Variants in WWC1 observed in about 807,000 individuals in gnomAD.
WWC1 encodes the protein protein KIBRA.
In WWC1, 55 loss-of-function variants were observed where a neutral mutation model predicts 138.4. The ratio of observed to expected loss-of-function variants is 0.40; its 90% CI spans 0.32 to 0.50. WWC1 has a LOEUF of 0.50. WWC1 is among the 20% of genes least tolerant of loss of function. The pLI, the probability that WWC1 is intolerant of heterozygous loss-of-function variation, is 0.72. For synonymous variants in WWC1, 524 were observed against 564.9 expected (o/e 0.93, Z 1.03); for missense variants, 1,226 against 1,420.4 (o/e 0.86, Z 2.20).
chr5:168,371,966 C>T, intron 2 of WWC1, among the ~76,000 whole-genome samples: 1 of 151,856 alleles, frequency 6.6e-6, no homozygotes, highest in East Asian at 1.9e-4. Flanking sequence ...TTAGAGCAGC[C>T]AGAGCCCTAG....
chr5:168,438,421 T>C (rs1426766551), intron 15 of WWC1, among the ~76,000 whole-genome samples: 1 of 152,306 alleles, frequency 6.6e-6, no homozygotes, highest in African/African-American at 2.4e-5. Context: ...GCTGCCACCA[T>C]GTGAAGAAGG....
At chr5:168,300,006 A>G (rs1769921508) in intron 1 of WWC1, among the ~76,000 whole-genome samples, 1 of 152,142 alleles carries the variant, frequency 6.6e-6, no homozygotes, top group South Asian at 2.1e-4. Flanking sequence ...TGACATCCCT[A>G]TCACCAGCTC....
rs1372373843 is a variant in WWC1 at position 168,326,234 on chromosome 5, T to G, written c.119+33963T>G. ...TGATAGTCTTTTTTTTTTTTTTTTT[T>G]GGGACGGAGTTTTGCTCTTGTTGCC... On this transcript the variant is annotated intron_variant, in intron 1 of 22. Coordinates refer to ENST00000265293, the MANE Select transcript of WWC1 (RefSeq NM_015238.3). Among the ~76,000 whole-genome samples the G allele has an allele frequency of 3.3e-5, 5 of 150,380 alleles. No individual in the cohort carries two copies. In the East Asian group the frequency reaches 5.8e-4, roughly 17 times the overall value.
Position 168,470,902 on chromosome 5 carries a change from G to T in WWC1, c.*1885G>T, listed in dbSNP as rs928995662. On this transcript the variant is annotated 3_prime_UTR_variant, in exon 23 of 23. Transcript: ENST00000265293. ...CACTGAACTATCCCGCCCACCCTGG[G>T]ACGGTCCCCAGTGCCAGTGTTTTAC... 9.9e-5 allele frequency: 15 copies of T among 152,196 alleles called. No individual in the cohort carries two copies. Among genetic ancestry groups the T allele is most frequent in the African/African-American group, 3.6e-4 (15 of 41,430 alleles). The allele number at this position is 152,196 out of a possible 1,614,324, so 9.4% of individuals were successfully genotyped here.
chr5:168,337,748 GA>G (rs2152773541), intron 1 of WWC1, among the ~76,000 whole-genome samples: 1 of 152,344 alleles, frequency 6.6e-6, no homozygotes, highest in African/African-American at 2.4e-5. Flanking sequence ...TAAGTTCCAT[GA>G]AGGAAATAAA....
intron 5 of WWC1, among the ~76,000 whole-genome samples, chr5:168,403,828 A>G (rs970273402): frequency 2.6e-5 from 4 of 151,296 alleles, no homozygotes; most frequent in African/African-American, 9.7e-5. Context: ...CAAGGCCTGA[A>G]GAGAGGACAG....
At chr5:168,356,158 A>G (rs1775396722) in intron 1 of WWC1, among the ~76,000 whole-genome samples, 1 of 152,250 alleles carries the variant, frequency 6.6e-6, no homozygotes, top group African/African-American at 2.4e-5. Context: ...TACCCAATTC[A>G]TGGCAGAATC....
chr5:168,324,505 A>G (rs1246749460), intron 1 of WWC1, among the ~76,000 whole-genome samples: 1 of 152,238 alleles, frequency 6.6e-6, no homozygotes, highest in Non-Finnish European at 1.5e-5. Context: ...TACGTGAGAA[A>G]TTAAAAGAGC....
rs1469129736 is a variant in WWC1, at chr5:168,291,826, G to A, written c.-327G>A. 6.7e-6 allele frequency: 1 copy of A among 149,504 alleles called. No homozygotes were observed. Among genetic ancestry groups the A allele is most frequent in the Non-Finnish European group, 1.5e-5 (1 of 66,950 alleles). The allele number at this position is 149,504 out of a possible 1,614,324, so 9.3% of individuals were successfully genotyped here. A position where few individuals can be genotyped will look rare whatever the true frequency, so the allele number is the denominator to read the frequency against. ...GCGCAGCGCGCCGCGCGGCGGAGGAGGGCAGACGGCGGCGGCGGCGGCGCT... is the reference window on the plus strand; with the variant it reads ...GCGCAGCGCGCCGCGCGGCGGAGGAAGGCAGACGGCGGCGGCGGCGGCGCT... On this transcript the variant is annotated 5_prime_UTR_variant, in exon 1 of 23. Coordinates refer to ENST00000265293, the MANE Select transcript of WWC1 (RefSeq NM_015238.3).
Position 168,469,359 on chromosome 5 carries a change from T to C in WWC1, c.*342T>C, listed in dbSNP as rs897168249. Reference sequence around the variant, plus strand: ...GCTCTTCTTAAAATCGTTTAGATTTTTTTTGGTTTGTACAGCTCCACCTTT... The same window carrying C: ...GCTCTTCTTAAAATCGTTTAGATTTCTTTTGGTTTGTACAGCTCCACCTTT... On this transcript the variant is annotated 3_prime_UTR_variant, in exon 23 of 23. Transcript: ENST00000265293. The C allele has an allele frequency of 3.6e-6, 1 of 276,852 alleles. No individual in the cohort carries two copies. The highest frequency in any genetic ancestry group is 4.7e-5 in the Admixed American group (1 of 21,178). 17.1% of individuals were successfully genotyped at this position (276,852 alleles called of 1,614,324 possible).
chr5:168,339,907 T>TCTC (rs1773864457), intron 1 of WWC1, among the ~76,000 whole-genome samples: 1 of 138,302 alleles, frequency 7.2e-6, no homozygotes, highest in African/African-American at 2.8e-5. Flanking sequence ...CTCTCTCTCT[T>TCTC]TCTCTCTCTC....
intron 1 of WWC1, among the ~76,000 whole-genome samples, chr5:168,368,318 A>G (rs2152805278): frequency 6.6e-6 from 1 of 152,232 alleles, no homozygotes; most frequent in East Asian, 1.9e-4. Context: ...CATTGCACAA[A>G]TATTTATTGA....
rs554812450 is a variant in WWC1, at chr5:168,447,067, G to T, written c.2525+2482G>T. On this transcript the variant is annotated intron_variant, in intron 17 of 22. Transcript: ENST00000265293. ...TAAAAGCTCCCTGGGTGATTCTAAT[G>T]TGCAGCCTGGGCTGAATATCACAGC... is the stretch of plus-strand genomic sequence containing the variant. Among the ~76,000 whole-genome samples, 9 of 152,326 alleles carry T rather than the reference G, an allele frequency of 5.9e-5. 1 individual carries two copies. The South Asian group carries it at 1.7e-3, about 28-fold the overall frequency.
rs10595228 is a variant in WWC1 at position 168,372,053 on chromosome 5, T to TTGTGTGTGTGTGTGTG, written c.229+546_229+561dup. ...AGAGAGAGAGAGAGAAAGAGTGTGT[T>TTGTGTGTGTGTGTGTG]TGTGTGTGTGTGTGTGTGTGTGTGT... On this transcript the variant is annotated intron_variant, in intron 2 of 22. Coordinates refer to ENST00000265293, the MANE Select transcript of WWC1 (RefSeq NM_015238.3). Among the ~76,000 whole-genome samples the TTGTGTGTGTGTGTGTG allele has an allele frequency of 3.4e-4, 48 of 141,364 alleles. 2 individuals carry two copies. The highest frequency in any genetic ancestry group is 5.6e-4 in the Non-Finnish European group (36 of 64,838). The allele number at this position is 141,364 out of a possible 152,430, so 92.7% of individuals were successfully genotyped here. A position where few individuals can be genotyped will look rare whatever the true frequency, so the allele number is the denominator to read the frequency against.
chr5:168,300,631 G>A (rs551288828), intron 1 of WWC1, among the ~76,000 whole-genome samples: 3 of 151,920 alleles, frequency 2.0e-5, no homozygotes, highest in East Asian at 3.9e-4. Flanking sequence ...ACCTTTGTTG[G>A]CTTTTTTTTT....
chr5:168,460,788 G>A (rs374605057), intron 20 of WWC1, 46 bp downstream of exon 20: 51 of 1,589,422 alleles, frequency 3.2e-5, no homozygotes, highest in African/African-American at 6.7e-5. Context: ...CTCCTCCCTC[G>A]TTGCCCCAAG....
chr5:168,461,767 A>T (rs1341236422), intron 20 of WWC1, among the ~76,000 whole-genome samples: 1 of 152,132 alleles, frequency 6.6e-6, no homozygotes, highest in African/African-American at 2.4e-5. Flanking sequence ...GAATGTCAGA[A>T]AGAAAAAAGG....
At chr5:168,413,083 G>T (rs1780348813) in intron 8 of WWC1, among the ~76,000 whole-genome samples, 2 of 152,196 alleles carry the variant, frequency 1.3e-5, no homozygotes, top group Admixed American at 1.3e-4. Context: ...GATAAAATAA[G>T]AATTGGGCCA....
intron 1 of WWC1, among the ~76,000 whole-genome samples, chr5:168,362,464 G>A (rs970740883): frequency 6.6e-6 from 1 of 152,188 alleles, no homozygotes; most frequent in African/African-American, 2.4e-5. Flanking sequence ...TAACCAAGAG[G>A]CAGGAGTGAC....
Sources: allele counts gnomAD v4.1 joint callset (sites outside exome capture counted in the v4.1 genomes callset), GRCh38; gene constraint gnomAD v4.1.1; transcripts MANE v1.5; gene names NCBI Gene and HGNC (gene_info 2026-07-23, HGNC 2026-07-21).